Variants in MMP26 observed in about 807,000 individuals in gnomAD.
MMP26 encodes matrix metallopeptidase 26, also known as matrix metalloproteinase-26.
Under a neutral mutation model 31.0 loss-of-function variants are expected in MMP26, and 33 were observed. That is an observed-to-expected ratio of 1.06 (90% CI 0.81 to 1.42). MMP26 has a LOEUF of 1.42. Among genes scored for constraint, MMP26 ranks in the 40% most tolerant of loss-of-function variants. The pLI is 0.00. For synonymous variants in MMP26, 122 were observed against 114.9 expected (o/e 1.06, Z -0.40); for missense variants, 347 against 316.1 (o/e 1.10, Z -0.74).
intron 2 of MMP26, among the ~76,000 whole-genome samples, chr11:4,829,919 A>T (rs895352186): frequency 6.6e-6 from 1 of 152,168 alleles, no homozygotes; most frequent in African/African-American, 2.4e-5. Context: ...GAGTGACTGT[A>T]CCCAAATCCT....
intron 2 of MMP26, chr11:4,915,816 C>G (rs1851079907): frequency 7.6e-6 from 4 of 527,002 alleles, no homozygotes; most frequent in Admixed American, 6.6e-5. Context: ...TTATGTCTTT[C>G]TGGTCCTTGA....
intron 2 of MMP26, among the ~76,000 whole-genome samples, chr11:4,893,222 TTTAA>T (rs1328724051): frequency 1.3e-5 from 2 of 152,102 alleles, no homozygotes; most frequent in Admixed American, 6.6e-5. Context: ...TGTTTAAAGG[TTTAA>T]TTATCAAAAT....
intron 1 of MMP26, among the ~76,000 whole-genome samples, chr11:4,725,271 A>G (rs1848083753): frequency 1.3e-5 from 2 of 152,224 alleles, no homozygotes; most frequent in African/African-American, 4.8e-5. Context: ...ACTGACTAAT[A>G]CATAGACATA....
chr11:4,812,595 T>C (rs1292052472), intron 2 of MMP26, among the ~76,000 whole-genome samples: 1 of 152,228 alleles, frequency 6.6e-6, no homozygotes, highest in Non-Finnish European at 1.5e-5. Context: ...GAATCCAGTA[T>C]GTTGCAGGTG....
intron 1 of MMP26, among the ~76,000 whole-genome samples, chr11:4,759,135 A>AAAAAG (rs1262302875): frequency 7.0e-6 from 1 of 143,700 alleles, no homozygotes; most frequent in African/African-American, 2.7e-5. Flanking sequence ...AAAAAAAAAA[A>AAAAAG]GACAAAAAAT....
intron 1 of MMP26, among the ~76,000 whole-genome samples, chr11:4,755,015 A>G (rs1179753262): frequency 6.6e-6 from 1 of 151,982 alleles, no homozygotes; most frequent in Non-Finnish European, 1.5e-5. Context: ...TGGTAGCTTC[A>G]TATATGAAAT....
intron 2 of MMP26, among the ~76,000 whole-genome samples, chr11:4,940,723 T>C (rs1483694180): frequency 6.6e-6 from 1 of 152,150 alleles, no homozygotes; most frequent in African/African-American, 2.4e-5. Context: ...AAACTCATAA[T>C]GCAGACTTTG....
At chr11:4,885,364 C>T (rs1850533537) in intron 2 of MMP26, among the ~76,000 whole-genome samples, 1 of 152,124 alleles carries the variant, frequency 6.6e-6, no homozygotes, top group Non-Finnish European at 1.5e-5. Flanking sequence ...CAACAATGGG[C>T]CTCATATGCC....
At chr11:4,811,790 G>A (rs759700992) in intron 2 of MMP26, among the ~76,000 whole-genome samples, 1 of 152,066 alleles carries the variant, frequency 6.6e-6, no homozygotes, top group Non-Finnish European at 1.5e-5. Context: ...CATGACCCGG[G>A]CTCTTGTGGA....
intron 1 of MMP26, among the ~76,000 whole-genome samples, chr11:4,724,749 AT>A (rs1848073012): frequency 1.3e-5 from 2 of 152,248 alleles, no homozygotes; most frequent in African/African-American, 4.8e-5. Context: ...TTAACATTGA[AT>A]TTTTCCTTCC....
At chr11:4,918,144 C>T (rs990128939) in intron 2 of MMP26, among the ~76,000 whole-genome samples, 3 of 151,922 alleles carry the variant, frequency 2.0e-5, no homozygotes, top group Non-Finnish European at 4.4e-5. Flanking sequence ...GAAAGAGAGG[C>T]TTAGAGAATT....
intron 2 of MMP26, among the ~76,000 whole-genome samples, chr11:4,778,388 A>G (rs941624115): frequency 4.6e-5 from 7 of 152,068 alleles, no homozygotes; most frequent in Admixed American, 4.6e-4. Context: ...CGTTATTAAA[A>G]TAAACATTCT....
chr11:4,719,820 T>C (rs1480411533), intron 1 of MMP26, among the ~76,000 whole-genome samples: 1 of 152,216 alleles, frequency 6.6e-6, no homozygotes, highest in Non-Finnish European at 1.5e-5. Flanking sequence ...AAGACTTTGT[T>C]AACTAATGGT....
At position 4,948,058 on chromosome 11, in the gene MMP26, T is replaced by C. The variant is rs1564812874; in HGVS notation, c.-144-40010T>C. Among the ~76,000 whole-genome samples the C allele has an allele frequency of 1.6e-5, 2 of 124,182 alleles. 1 individual carries two copies. The highest frequency in any genetic ancestry group is 1.8e-4 in the Admixed American group (2 of 11,174). The allele number at this position is 124,182 out of a possible 152,430, so 81.5% of individuals were successfully genotyped here. ...ATTTTATTCCTGAATCCTGGATCCATCTCCCCAGACCCATTAGACATCACT... is the reference window on the plus strand; with the variant it reads ...ATTTTATTCCTGAATCCTGGATCCACCTCCCCAGACCCATTAGACATCACT... On this transcript the variant is annotated intron_variant, in intron 2 of 7. Coordinates refer to ENST00000380390, the MANE Select transcript of MMP26 (RefSeq NM_021801.5).
rs532512480 is a variant in MMP26, at chr11:4,870,130, G to A, written c.-145+102789G>A. Among the ~76,000 whole-genome samples the A allele has an allele frequency of 2.8e-4, 43 of 152,170 alleles. 1 individual carries two copies. The highest frequency in any genetic ancestry group is 9.6e-4 in the African/African-American group (40 of 41,516). On this transcript the variant is annotated intron_variant, in intron 2 of 7. Coordinates refer to ENST00000380390, the MANE Select transcript of MMP26 (RefSeq NM_021801.5). ...GAGATATACCTAATGTAAATGACAA[G>A]TTAATGGGTGCAGCACACTGACATG...
At chr11:4,863,653 T>C (rs907615675) in intron 2 of MMP26, 1 of 152,190 alleles carries the variant, frequency 6.6e-6, no homozygotes, top group Non-Finnish European at 1.5e-5. Flanking sequence ...TTAATTTGGC[T>C]TCTTTCCTTT....
intron 2 of MMP26, among the ~76,000 whole-genome samples, chr11:4,801,168 C>T (rs1474102902): frequency 2.0e-5 from 3 of 152,212 alleles, no homozygotes; most frequent in Non-Finnish European, 4.4e-5. Context: ...CTGTCTTCTT[C>T]TGAGTTCTCT....
intron 2 of MMP26, among the ~76,000 whole-genome samples, chr11:4,936,993 C>G (rs1846124714): frequency 6.6e-6 from 1 of 152,142 alleles, no homozygotes; most frequent in Admixed American, 6.6e-5. Context: ...TCTTCTCTTA[C>G]TAGGCATTTT....
At chr11:4,712,120 T>A (rs544126129) in intron 1 of MMP26, 8 of 152,318 alleles carry the variant, frequency 5.3e-5, no homozygotes, top group African/African-American at 1.9e-4. Context: ...ACTTAATGTA[T>A]GCTTATTGAA....
Sources: allele counts gnomAD v4.1 joint callset (sites outside exome capture counted in the v4.1 genomes callset), GRCh38; gene constraint gnomAD v4.1.1; transcripts MANE v1.5; gene names NCBI Gene and HGNC (gene_info 2026-07-23, HGNC 2026-07-21).